DIAPH2: variants seen among roughly 807,000 people sequenced by gnomAD.
The protein encoded by DIAPH2 is protein diaphanous homolog 2.
A neutral mutation model predicts 92.7 loss-of-function variants in DIAPH2; 35 were observed. That is an observed-to-expected ratio of 0.38 (90% confidence interval 0.29 to 0.50). DIAPH2 has a LOEUF of 0.50. DIAPH2 is among the 20% of genes least tolerant of loss of function. The pLI, the probability that DIAPH2 is intolerant of heterozygous loss-of-function variation, is 0.94. For missense variants in DIAPH2, 701 were observed against 819.5 expected (o/e 0.86, Z 1.77); for synonymous variants, 301 against 280.4 (o/e 1.07, Z -0.73).
At chrX:97,323,611 AAAAG>A (rs1446018503) in intron 23 of DIAPH2, among the ~76,000 whole-genome samples, 1 of 97,548 alleles carries the variant, frequency 1.0e-5, no homozygotes, top group Non-Finnish European at 2.1e-5. Flanking sequence ...AAAAAAAAAA[AAAAG>A]CTCAGGGACC....
At chrX:97,547,205 C>T (rs754783956) in intron 26 of DIAPH2, among the ~76,000 whole-genome samples, 6 of 111,414 alleles carry the variant, frequency 5.4e-5, no homozygotes, top group African/African-American at 1.3e-4. Flanking sequence ...CTGCTTCCCC[C>T]ACTCTTGCTA....
intron 4 of DIAPH2, among the ~76,000 whole-genome samples, chrX:96,860,283 C>T (rs2065065599): frequency 8.9e-6 from 1 of 111,817 alleles, no homozygotes; most frequent in Admixed American, 9.5e-5. Flanking sequence ...AGTATCCATG[C>T]ACTGCATAGA....
At chrX:96,693,361 C>T (rs182974836) in intron 1 of DIAPH2, among the ~76,000 whole-genome samples, 6 of 111,769 alleles carry the variant, frequency 5.4e-5, no homozygotes, top group South Asian at 3.7e-4. Context: ...TTGTTTGGCC[C>T]GGGAGGGAAA....
chrX:97,426,302 T>G (rs1183814727), intron 25 of DIAPH2, among the ~76,000 whole-genome samples: 1 of 108,437 alleles, frequency 9.2e-6, no homozygotes, highest in African/African-American at 3.4e-5. Context: ...TTTTTTTTTT[T>G]GAGATGGAGT....
chrX:96,943,660 G>GT (rs1387085864), intron 13 of DIAPH2, among the ~76,000 whole-genome samples: 1 of 110,907 alleles, frequency 9.0e-6, no homozygotes, highest in African/African-American at 3.3e-5. Flanking sequence ...ATAAACTATA[G>GT]TTTTTTGAAG....
intron 23 of DIAPH2, among the ~76,000 whole-genome samples, chrX:97,319,387 TC>T (rs887408394): frequency 9.2e-6 from 1 of 108,205 alleles, no homozygotes; most frequent in African/African-American, 3.4e-5. Flanking sequence ...CATATAAAAT[TC>T]CCCTTTTTTT....
chrX:96,945,319 C>A (rs1166946091), intron 13 of DIAPH2, among the ~76,000 whole-genome samples: 1 of 111,367 alleles, frequency 9.0e-6, no homozygotes, highest in Admixed American at 9.5e-5. Context: ...TGGTTTTGTG[C>A]CTCCACAATA....
chrX:97,335,777 G>T (rs899727468), intron 23 of DIAPH2, among the ~76,000 whole-genome samples: 2 of 111,747 alleles, frequency 1.8e-5, no homozygotes, highest in African/African-American at 6.5e-5. Context: ...GAGAGTTTTT[G>T]GTTGTTGTTA....
At chrX:97,521,482 G>A (rs1269544942) in intron 26 of DIAPH2, among the ~76,000 whole-genome samples, 4 of 111,704 alleles carry the variant, frequency 3.6e-5, no homozygotes, top group African/African-American at 9.8e-5. Flanking sequence ...TTCTAAGGAG[G>A]TATAAAATCT....
intron 5 of DIAPH2, among the ~76,000 whole-genome samples, chrX:96,887,085 C>T (rs755200756): frequency 1.4e-4 from 16 of 110,809 alleles, no homozygotes; most frequent in African/African-American, 4.9e-4. Context: ...CTCCTCCCAA[C>T]GCTTATTCTT....
At chrX:97,034,988 A>G (rs2066400606) in intron 17 of DIAPH2, among the ~76,000 whole-genome samples, 1 of 112,210 alleles carries the variant, frequency 8.9e-6, no homozygotes, top group Admixed American at 9.5e-5. Flanking sequence ...TACACTTACA[A>G]AACATATCGG....
intron 23 of DIAPH2, among the ~76,000 whole-genome samples, chrX:97,318,675 A>G (rs1218257718): frequency 9.4e-6 from 1 of 106,037 alleles, no homozygotes; most frequent in Non-Finnish European, 1.9e-5. Context: ...AGTACAGACA[A>G]AGTTTCACCA....
intron 4 of DIAPH2, among the ~76,000 whole-genome samples, chrX:96,866,491 A>G (rs1177964383): frequency 8.9e-6 from 1 of 111,867 alleles, no homozygotes; most frequent in Non-Finnish European, 1.9e-5. Flanking sequence ...TGAGCTCCAG[A>G]TGGCTGACTT....
intron 26 of DIAPH2, among the ~76,000 whole-genome samples, chrX:97,595,621 T>C (rs763605623): frequency 9.0e-6 from 1 of 110,854 alleles, no homozygotes; most frequent in South Asian, 3.9e-4. Flanking sequence ...TTCTCTTTCT[T>C]CCTTTTTCTT....
intron 13 of DIAPH2, among the ~76,000 whole-genome samples, chrX:96,943,697 T>C (rs1336634121): frequency 9.0e-6 from 1 of 111,321 alleles, no homozygotes; most frequent in African/African-American, 3.2e-5. Context: ...AATAATTGAA[T>C]ACCTATAAAA....
intron 23 of DIAPH2, among the ~76,000 whole-genome samples, chrX:97,334,993 C>CAAAAAAAAAAAA (rs1314227612): frequency 3.0e-4 from 2 of 6,627 alleles, no homozygotes; most frequent in Non-Finnish European, 9.2e-4. Context: ...AAAACAAAAA[C>CAAAAAAAAAAAA]AAAACAAAAA....
intron 21 of DIAPH2, among the ~76,000 whole-genome samples, chrX:97,124,432 G>T (rs771776884): frequency 8.9e-6 from 1 of 112,157 alleles, no homozygotes; most frequent in African/African-American, 3.2e-5. Context: ...ACACTTGTTT[G>T]TTTTCTCAGA....
chrX:96,948,985 A>C lies in DIAPH2; in HGVS notation c.1560A>C (p.Lys520Asn). ...ARQEAQAELQ[K>N]RDEKIKELEA... is the part of the protein sequence containing the mutation. ...AGGAAGCTCAAGCAGAGCTTCAAAA[A>C]AGAGATGAGAAAATCAAAGAACTTG... Residue 520 changes from lysine to asparagine, a missense_variant, in exon 15 of 27, where the codon AAA (lysine) becomes AAC (asparagine). Physicochemically the swap from Lys to Asn is moderately conservative, Grantham distance 94. Transcript: ENST00000324765. 1 of 1,206,769 alleles carries C rather than the reference A, an allele frequency of 8.3e-7. No homozygotes were observed. The highest frequency in any genetic ancestry group is 1.1e-6 in the Non-Finnish European group (1 of 893,040).
In DIAPH2 at chrX:97,352,238, T is replaced by A. The variant is rs1195633433; in HGVS notation, c.3009+3958T>A. 2.7e-5 allele frequency among the ~76,000 whole-genome samples: 3 copies of A among 111,121 alleles called. No individual in the cohort carries two copies. The East Asian group carries it at 8.4e-4, about 31-fold the overall frequency. On this transcript the variant is annotated intron_variant, in intron 24 of 26. Transcript: ENST00000324765. Reference sequence around the variant, plus strand: ...CATCTTGGGAGATCTATTTGGCATATGTAGCATAAACAAAATGCACATACC... The same window carrying A: ...CATCTTGGGAGATCTATTTGGCATAAGTAGCATAAACAAAATGCACATACC...
Sources: gnomAD v4.1 joint callset for allele counts (sites outside exome capture counted in the v4.1 genomes callset) on GRCh38, gnomAD v4.1.1 for gene constraint, MANE v1.5 for transcripts, NCBI Gene and HGNC (gene_info 2026-07-23, HGNC 2026-07-21) for gene names.